Variants in TMEM232 observed in about 807,000 individuals in gnomAD.
TMEM232 encodes transmembrane protein 232.
TMEM232 carries 80 observed loss-of-function variants against 78.8 expected under a neutral mutation model. That is an observed-to-expected ratio of 1.01 (90% CI 0.85 to 1.22). The LOEUF is 1.22. Ranked by LOEUF, TMEM232 falls within the 50% of genes most tolerant of loss-of-function variation. TMEM232 has a pLI of 0.00. For synonymous variants in TMEM232, 297 were observed against 254.3 expected (o/e 1.17, Z -1.60); for missense variants, 881 against 742.2 (o/e 1.19, Z -2.17).
chr5:110,426,446 G>A (rs1215614488), intron 12 of TMEM232, among the ~76,000 whole-genome samples: 6 of 152,004 alleles, frequency 3.9e-5, no homozygotes, highest in Admixed American at 3.9e-4. Flanking sequence ...ACTATGATAT[G>A]CTTTAATACT....
At chr5:110,506,584 A>G (rs1004805908) in intron 12 of TMEM232, among the ~76,000 whole-genome samples, 3 of 152,196 alleles carry the variant, frequency 2.0e-5, no homozygotes, top group African/African-American at 4.8e-5. Context: ...GGCTGTCTAC[A>G]TCAATCAAAA....
Position 110,618,188 on chromosome 5 carries a change from TAA to T in TMEM232, c.902+239_902+240del, listed in dbSNP as rs75633693. ...TTTGTTAATAAAAAACTGCATTTAATAAAAAAAAAACTATGCAGTGTATGCGT... is the reference window on the plus strand; with the variant it reads ...TTTGTTAATAAAAAACTGCATTTAATAAAAAAAACTATGCAGTGTATGCGT... On this transcript the variant is annotated intron_variant, in intron 8 of 13. Transcript: ENST00000455884. Among the ~76,000 whole-genome samples, 10 of 147,802 alleles carry T rather than the reference TAA, an allele frequency of 6.8e-5. No individual in the cohort carries two copies. The East Asian group carries it at 1.2e-3, about 17-fold the overall frequency.
intron 1 of TMEM232, among the ~76,000 whole-genome samples, chr5:110,680,309 A>T (rs1233695363): frequency 1.3e-5 from 2 of 151,028 alleles, no homozygotes; most frequent in Non-Finnish European, 2.9e-5. Context: ...AGGCATGAGA[A>T]TCACTTGAAC....
chr5:110,691,756 C>T (rs62375467), intron 1 of TMEM232, among the ~76,000 whole-genome samples: 6,220 of 152,298 alleles, frequency 0.041, 183 homozygotes, highest in Non-Finnish European at 0.062. Flanking sequence ...CATACCGTAA[C>T]CACATATTTG....
chr5:110,700,986 G>C (rs111645457), intron 1 of TMEM232, among the ~76,000 whole-genome samples: 17 of 151,928 alleles, frequency 1.1e-4, no homozygotes, highest in African/African-American at 4.1e-4. Context: ...CAAAACTTTT[G>C]CCTTTACAAT....
chr5:110,684,405 A>G (rs764606813), intron 1 of TMEM232, among the ~76,000 whole-genome samples: 2 of 152,234 alleles, frequency 1.3e-5, no homozygotes, highest in African/African-American at 2.4e-5. Context: ...TTTTAGTGCC[A>G]GTAAAGATGG....
intron 1 of TMEM232, among the ~76,000 whole-genome samples, chr5:110,680,517 A>T (rs557658176): frequency 1.3e-5 from 2 of 152,148 alleles, no homozygotes; most frequent in South Asian, 4.1e-4. Flanking sequence ...GAAGTAGAAT[A>T]ATCTTTTTCT....
intron 10 of TMEM232, among the ~76,000 whole-genome samples, chr5:110,578,140 T>C (rs1777778893): frequency 6.6e-6 from 1 of 152,144 alleles, no homozygotes; most frequent in East Asian, 1.9e-4. Flanking sequence ...AAGTAGTTGA[T>C]TCTCTTTTCA....
intron 1 of TMEM232, among the ~76,000 whole-genome samples, chr5:110,689,378 T>C (rs1332169684): frequency 6.6e-6 from 1 of 151,870 alleles, no homozygotes; most frequent in Admixed American, 6.6e-5. Flanking sequence ...AACTTTATAG[T>C]ACTAAATTTA....
chr5:110,703,117 T>C (rs1795592673), intron 1 of TMEM232, among the ~76,000 whole-genome samples: 2 of 151,976 alleles, frequency 1.3e-5, no homozygotes, highest in Non-Finnish European at 2.9e-5. Flanking sequence ...AAGGCTACTA[T>C]AACACAAATA....
intron 1 of TMEM232, among the ~76,000 whole-genome samples, chr5:110,692,133 G>A (rs1456300513): frequency 6.6e-6 from 1 of 152,034 alleles, no homozygotes; most frequent in Middle Eastern, 3.2e-3. Flanking sequence ...CTGTTAGCCA[G>A]GATGCTCTTG....
At chr5:110,595,053 G>T (rs1446036537) in intron 10 of TMEM232, among the ~76,000 whole-genome samples, 1 of 152,144 alleles carries the variant, frequency 6.6e-6, no homozygotes, top group African/African-American at 2.4e-5. Flanking sequence ...GTACCCCTCT[G>T]GGATGAAGCT....
chr5:110,574,971 C>A (rs1777406541), intron 10 of TMEM232, among the ~76,000 whole-genome samples: 1 of 151,928 alleles, frequency 6.6e-6, no homozygotes. Flanking sequence ...GAGGGTGGTT[C>A]TGGAGACTCC....
intron 8 of TMEM232, among the ~76,000 whole-genome samples, chr5:110,617,510 CTAACA>C (rs1783092104): frequency 6.6e-6 from 1 of 151,886 alleles, no homozygotes; most frequent in Non-Finnish European, 1.5e-5. Flanking sequence ...TACATATATC[CTAACA>C]TATCATTATA....
chr5:110,584,185 A>T (rs1315450495), intron 10 of TMEM232, among the ~76,000 whole-genome samples: 1 of 151,818 alleles, frequency 6.6e-6, no homozygotes, highest in Non-Finnish European at 1.5e-5. Context: ...GATCTCAAAG[A>T]GATATTAGCA....
At chr5:110,625,933 T>C (rs980215529) in intron 6 of TMEM232, among the ~76,000 whole-genome samples, 5 of 151,794 alleles carry the variant, frequency 3.3e-5, no homozygotes, top group African/African-American at 1.2e-4. Flanking sequence ...TAACACCACA[T>C]TATATTTAAC....
intron 11 of TMEM232, among the ~76,000 whole-genome samples, chr5:110,567,850 G>A (rs1167488879): frequency 6.6e-6 from 1 of 151,886 alleles, no homozygotes; most frequent in Admixed American, 6.6e-5. Context: ...GAGAGAATAG[G>A]TGTCTGGATT....
intron 11 of TMEM232, among the ~76,000 whole-genome samples, chr5:110,553,296 A>G (rs987533315): frequency 1.2e-4 from 19 of 152,186 alleles, no homozygotes; most frequent in African/African-American, 4.1e-4. Context: ...TAGGAATAAC[A>G]TTCAATATGC....
chr5:110,626,389 C>A (rs367770416), intron 6 of TMEM232, among the ~76,000 whole-genome samples: 1 of 151,914 alleles, frequency 6.6e-6, no homozygotes, highest in South Asian at 2.1e-4. Context: ...ACAAGAATTC[C>A]TATTCTATCA....
Sources: gnomAD v4.1 joint callset for allele counts (sites outside exome capture counted in the v4.1 genomes callset) on GRCh38, gnomAD v4.1.1 for gene constraint, MANE v1.5 for transcripts, NCBI Gene and HGNC (gene_info 2026-07-23, HGNC 2026-07-21) for gene names.